The following AP4S1 variants were observed in gnomAD, a reference collection of about 807,000 sequenced individuals.
AP4S1 encodes the protein adaptor related protein complex 4 subunit sigma 1.
Under a neutral mutation model 19.8 loss-of-function variants are expected in AP4S1, and 23 were observed. The ratio of observed to expected loss-of-function variants is 1.16; its 90% CI spans 0.84 to 1.65. The LOEUF (loss-of-function observed/expected upper bound fraction) is 1.65. Ranked by LOEUF, AP4S1 falls within the 40% of genes most tolerant of loss-of-function variation. The pLI is 0.00. For missense variants in AP4S1, 166 were observed against 172.8 expected, an observed-to-expected ratio of 0.96 and a Z score of 0.22; for synonymous variants, 46 against 54.1, an observed-to-expected ratio of 0.85 and a Z score of 0.66.
intron 1 of AP4S1, among the ~76,000 whole-genome samples, chr14:31,063,697 A>G (rs1039953078): frequency 6.6e-6 from 1 of 152,202 alleles, no homozygotes; most frequent in Non-Finnish European, 1.5e-5. Context: ...TAAATGCACT[A>G]TAGTATCCTG....
chr14:31,066,973 G>A (rs187644870), intron 2 of AP4S1, among the ~76,000 whole-genome samples: 3 of 152,272 alleles, frequency 2.0e-5, no homozygotes, highest in Admixed American at 6.5e-5. Flanking sequence ...AATGGCGCAC[G>A]CCTGTAATCC....
At chr14:31,091,402 G>T (rs9944096) in intron 5 of AP4S1, among the ~76,000 whole-genome samples, 2,130 of 152,120 alleles carry the variant, frequency 0.014, 53 homozygotes, top group African/African-American at 0.049. Context: ...CTAAGTTCTG[G>T]CTTCTGGGTC....
intron 1 of AP4S1, among the ~76,000 whole-genome samples, chr14:31,050,402 C>G (rs1045157709): frequency 2.0e-5 from 3 of 152,024 alleles, no homozygotes; most frequent in Non-Finnish European, 2.9e-5. Flanking sequence ...CAGTGTTACC[C>G]CATCTTCACT....
intron 1 of AP4S1, among the ~76,000 whole-genome samples, chr14:31,039,224 C>T (rs1317051264): frequency 2.6e-5 from 4 of 151,888 alleles, no homozygotes; most frequent in Non-Finnish European, 5.9e-5. Flanking sequence ...CTCGCTCTGT[C>T]GCCTAGGCTG....
At chr14:31,061,441 C>T (rs1050137589) in intron 1 of AP4S1, among the ~76,000 whole-genome samples, 1 of 152,156 alleles carries the variant, frequency 6.6e-6, no homozygotes, top group Non-Finnish European at 1.5e-5. Flanking sequence ...GGTATTCTGA[C>T]AGCCGAGCAT....
chr14:31,034,797 T>G (rs1884627884), intron 1 of AP4S1, among the ~76,000 whole-genome samples: 2 of 150,508 alleles, frequency 1.3e-5, no homozygotes, highest in Non-Finnish European at 3.0e-5. Flanking sequence ...TTTTTTTTTT[T>G]TGTATTTTTA....
chr14:31,057,667 C>G (rs1056894517), intron 1 of AP4S1, among the ~76,000 whole-genome samples: 1 of 151,746 alleles, frequency 6.6e-6, no homozygotes, highest in Non-Finnish European at 1.5e-5. Flanking sequence ...GCTCTGTCAC[C>G]CAGGCTAGAG....
intron 5 of AP4S1, among the ~76,000 whole-genome samples, chr14:31,083,226 A>G (rs1887746760): frequency 6.6e-6 from 1 of 152,182 alleles, no homozygotes; most frequent in Non-Finnish European, 1.5e-5. Flanking sequence ...ACGTCAAGAT[A>G]CACAATTTTC....
At chr14:31,027,247 G>A (rs1463006368) in intron 1 of AP4S1, 1 of 152,114 alleles carries the variant, frequency 6.6e-6, no homozygotes, top group African/African-American at 2.4e-5. Context: ...ATTTGATACG[G>A]TAGAAATGAA....
At chr14:31,073,426 C>T (rs1394847919) in intron 4 of AP4S1, among the ~76,000 whole-genome samples, 4 of 137,764 alleles carry the variant, frequency 2.9e-5, no homozygotes, top group Admixed American at 7.5e-5. Flanking sequence ...GGAGGCGGAG[C>T]TTGCAGTGAG....
chr14:31,089,914 G>A (rs115699186), intron 5 of AP4S1, among the ~76,000 whole-genome samples: 3,242 of 152,128 alleles, frequency 0.021, 34 homozygotes, highest in African/African-American at 0.03. Context: ...GAGAAGCTGC[G>A]TCTAAAAAAA....
At chr14:31,058,307 G>T (rs1886236015) in intron 1 of AP4S1, among the ~76,000 whole-genome samples, 1 of 152,106 alleles carries the variant, frequency 6.6e-6, no homozygotes, top group Non-Finnish European at 1.5e-5. Context: ...ATGCTTGTTT[G>T]ATTCCTGCTC....
At chr14:31,069,568 C>T (rs73252171) in intron 2 of AP4S1, among the ~76,000 whole-genome samples, 1 of 152,176 alleles carries the variant, frequency 6.6e-6, no homozygotes, top group Non-Finnish European at 1.5e-5. Context: ...CTGCTGACTT[C>T]CACGCAGAGC....
At chr14:31,037,181 C>T (rs190389646) in intron 1 of AP4S1, among the ~76,000 whole-genome samples, 89 of 152,162 alleles carry the variant, frequency 5.8e-4, no homozygotes, top group African/African-American at 2.0e-3. Context: ...CACACACACG[C>T]ACACACACCC....
intron 1 of AP4S1, among the ~76,000 whole-genome samples, chr14:31,041,853 A>ATT (rs144369957): frequency 2.0e-5 from 3 of 151,986 alleles, no homozygotes; most frequent in African/African-American, 7.3e-5. Context: ...ATTTTATTTT[A>ATT]TTTTTTGATA....
chr14:31,045,354 G>A (rs529932209), intron 1 of AP4S1, among the ~76,000 whole-genome samples: 2 of 152,120 alleles, frequency 1.3e-5, no homozygotes, highest in East Asian at 3.8e-4. Flanking sequence ...ATCCCCATAC[G>A]TCAAGGGAGA....
At position 31,065,109 on chromosome 14, in the gene AP4S1, A is replaced by G. The variant is rs938003733; in HGVS notation, c.-71-1017A>G. On this transcript the variant is annotated intron_variant, in intron 1 of 5. Transcript: ENST00000542754. ...CCACTAAGGAAAGAAAAGCTTTACT[A>G]TAGATCTTGTCTCCATTGCCCATAA... is the stretch of plus-strand genomic sequence containing the variant. Among the ~76,000 whole-genome samples, 4 of 152,236 alleles carry G rather than the reference A, an allele frequency of 2.6e-5. 1 individual carries two copies. Among genetic ancestry groups the G allele is most frequent in the Admixed American group, 6.5e-5 (1 of 15,278 alleles).
chr14:31,026,347 C>T (rs1883933783), intron 1 of AP4S1: 3 of 629,452 alleles, frequency 4.8e-6, no homozygotes, highest in South Asian at 3.6e-5. Context: ...CAGGGAGCTG[C>T]CGGCTGCCGC....
chr14:31,051,589 T>C (rs1305407213), intron 1 of AP4S1, among the ~76,000 whole-genome samples: 2 of 152,240 alleles, frequency 1.3e-5, no homozygotes, highest in Admixed American at 1.3e-4. Context: ...ATGTAGAATT[T>C]GGCATTTTGA....
Sources: gnomAD v4.1 joint callset for allele counts (sites outside exome capture counted in the v4.1 genomes callset) on GRCh38, gnomAD v4.1.1 for gene constraint, MANE v1.5 for transcripts, NCBI Gene and HGNC (gene_info 2026-07-23, HGNC 2026-07-21) for gene names.